DYDC2: variants seen among roughly 807,000 people sequenced by gnomAD.
DYDC2 encodes DPY30 domain-containing protein 2.
Under a neutral mutation model 18.7 loss-of-function variants are expected in DYDC2, and 19 were observed. That is an observed-to-expected ratio of 1.02 (90% confidence interval 0.71 to 1.49). The LOEUF is 1.49. DYDC2 is among the 40% of genes most tolerant of loss of function. DYDC2 has a pLI of 0.00. For missense variants in DYDC2, 179 were observed against 205.1 expected (o/e 0.87, Z 0.78); for synonymous variants, 63 against 67.6 (o/e 0.93, Z 0.34).
intron 4 of DYDC2, among the ~76,000 whole-genome samples, chr10:80,363,839 C>T (rs1382537487): frequency 6.6e-6 from 1 of 152,178 alleles, no homozygotes; most frequent in Non-Finnish European, 1.5e-5. Context: ...TTCTGTGAAA[C>T]TTCAGATGCC....
intron 2 of DYDC2, among the ~76,000 whole-genome samples, chr10:80,358,753 T>A (rs1353519616): frequency 2.0e-5 from 3 of 152,214 alleles, no homozygotes; most frequent in African/African-American, 7.2e-5. Context: ...CAAGTCCCAA[T>A]GTGTCCAGAA....
In DYDC2 at chr10:80,347,718, C is replaced by T. The variant is rs186402102; in HGVS notation, c.-310+2903C>T. ...CGTTCATTGAAGAGACTATCCTTTT[C>T]CCTTTGTGTTTTCTTGCAGGGCTTG... On this transcript the variant is annotated intron_variant, in intron 1 of 4. Coordinates refer to the DYDC2 transcript ENST00000372197. Among the ~76,000 whole-genome samples the T allele has an allele frequency of 3.2e-3, 492 of 152,234 alleles. 18 individuals are homozygous for T. Among genetic ancestry groups the T allele is most frequent in the Middle Eastern group, 3.4e-3 (1 of 294 alleles).
At chr10:80,345,925 T>C (rs1842593626) in intron 1 of DYDC2, among the ~76,000 whole-genome samples, 1 of 152,222 alleles carries the variant, frequency 6.6e-6, no homozygotes, top group Admixed American at 6.5e-5. Context: ...TGGCACTGCC[T>C]CAACCTCCAG....
chr10:80,363,982 T>C (rs1843748013), intron 4 of DYDC2, among the ~76,000 whole-genome samples: 1 of 152,196 alleles, frequency 6.6e-6, no homozygotes, highest in Non-Finnish European at 1.5e-5. Context: ...AAAAACGCCT[T>C]ATGCTATTCT....
intron 4 of DYDC2, among the ~76,000 whole-genome samples, chr10:80,363,723 A>G (rs1843739197): frequency 6.6e-6 from 1 of 152,110 alleles, no homozygotes; most frequent in African/African-American, 2.4e-5. Flanking sequence ...AGCCCTTTTC[A>G]AGTAGTATTC....
At chr10:80,351,945 C>T, upstream of DYDC2, 1 of 1,614,204 alleles carries the variant, frequency 6.2e-7, no homozygotes. Flanking sequence ...TCCATCATTT[C>T]CTGCTCCATC....
intron 1 of DYDC2, among the ~76,000 whole-genome samples, chr10:80,346,910 A>G (rs1484885282): frequency 1.3e-5 from 2 of 151,746 alleles, no homozygotes; most frequent in African/African-American, 2.4e-5. Flanking sequence ...CCCCGTCTCT[A>G]CTAAAAATAC....
chr10:80,360,105 G>A (rs141500297), intron 2 of DYDC2, among the ~76,000 whole-genome samples: 1 of 152,326 alleles, frequency 6.6e-6, no homozygotes, highest in Non-Finnish European at 1.5e-5. Flanking sequence ...GGGTGTAGAA[G>A]TTTGTTTATC....
At chr10:80,360,486 C>T (rs993492874) in intron 2 of DYDC2, among the ~76,000 whole-genome samples, 11 of 152,148 alleles carry the variant, frequency 7.2e-5, no homozygotes, top group Non-Finnish European at 1.0e-4. Context: ...AGGATAATCC[C>T]CCTATCTCAA....
upstream of DYDC2, among the ~76,000 whole-genome samples, chr10:80,355,973 T>C (rs1018611669): frequency 6.8e-6 from 1 of 147,940 alleles, no homozygotes; most frequent in Non-Finnish European, 1.5e-5. Flanking sequence ...CTCAAAGTCA[T>C]TTGAAGTGAA....
At chr10:80,362,859 G>A in intron 3 of DYDC2, 92 bp from the exon 4 acceptor site, 1 of 1,494,220 alleles carries the variant, frequency 6.7e-7, no homozygotes, top group Non-Finnish European at 9.0e-7. Context: ...GGCCCAAAGA[G>A]CCCACAGCCC....
At chr10:80,359,101 C>A (rs553619944) in intron 2 of DYDC2, among the ~76,000 whole-genome samples, 1 of 152,192 alleles carries the variant, frequency 6.6e-6, no homozygotes, top group Non-Finnish European at 1.5e-5. Context: ...TTCCCTTATC[C>A]GGCCCTACCC....
Position 80,366,968 on chromosome 10 carries a change from G to C in DYDC2, c.*17G>C, listed in dbSNP as rs771848918. 2 of 1,592,930 alleles carry C rather than the reference G, an allele frequency of 1.3e-6. No homozygotes were observed. The highest frequency in any genetic ancestry group is 4.5e-5 in the East Asian group (2 of 44,726). The stretch of plus-strand genomic sequence containing the variant: ...CCTTTTTAGGTTACAGAAGGTAGAT[G>C]CTTCTGATTTACTTCTCTCAAAGCT... On this transcript the variant is annotated 3_prime_UTR_variant, in exon 5 of 5. Coordinates refer to ENST00000256039, the MANE Select transcript of DYDC2 (RefSeq NM_032372.6).
chr10:80,347,276 CTTTTTTT>C (rs556362145), intron 1 of DYDC2, among the ~76,000 whole-genome samples: 43,406 of 89,888 alleles, frequency 0.48, 11,657 homozygotes, highest in East Asian at 0.76. Context: ...AATTGGGATC[CTTTTTTT>C]TTTTTTTTTT....
At chr10:80,348,678 A>G (rs1179468954) in intron 1 of DYDC2, among the ~76,000 whole-genome samples, 1 of 152,226 alleles carries the variant, frequency 6.6e-6, no homozygotes, top group Non-Finnish European at 1.5e-5. Context: ...GCTTCCATCA[A>G]CCTTCAGTTG....
chr10:80,350,946 T>C (rs1243155195), intron 1 of DYDC2, among the ~76,000 whole-genome samples: 1 of 152,232 alleles, frequency 6.6e-6, no homozygotes, highest in Admixed American at 6.5e-5. Context: ...AAGGTCTGCC[T>C]GCTCCACTTC....
rs923985484 is a variant in DYDC2 at position 80,367,184 on chromosome 10, G to C, written c.*233G>C. 2.5e-5 allele frequency: 12 copies of C among 470,684 alleles called. No individual in the cohort carries two copies. The highest frequency in any genetic ancestry group is 2.2e-4 in the South Asian group (6 of 27,768). The allele number at this position is 470,684 out of a possible 1,614,324, so 29.2% of individuals were successfully genotyped here. A position where few individuals can be genotyped will look rare whatever the true frequency, so the allele number is the denominator to read the frequency against. On this transcript the variant is annotated 3_prime_UTR_variant, in exon 5 of 5. Transcript: ENST00000256039. The stretch of plus-strand genomic sequence containing the variant: ...CAAGTGGCTGTGACTTTTTCCTCTT[G>C]TTTTATCAACGTTTTGGAGACTACA...
Position 80,357,898 on chromosome 10 carries a change from C to G in DYDC2, c.-157C>G, listed in dbSNP as rs1360963158. On this transcript the variant is annotated 5_prime_UTR_variant, in exon 2 of 5. Coordinates refer to ENST00000256039, the MANE Select transcript of DYDC2 (RefSeq NM_032372.6). ...AAGTCAAGAAATATTTACAGAGCTC[C>G]CAGTGTGCCAAGCGTGGGCGGTATA... 3.0e-6 allele frequency: 3 copies of G among 985,188 alleles called. No individual in the cohort carries two copies. The highest frequency in any genetic ancestry group is 3.6e-6 in the Non-Finnish European group (3 of 829,898). 61.0% of individuals were successfully genotyped at this position (985,188 alleles called of 1,614,324 possible). A position where few individuals can be genotyped will look rare whatever the true frequency, so the allele number is the denominator to read the frequency against.
chr10:80,366,134 G>C (rs1390687753), intron 4 of DYDC2, among the ~76,000 whole-genome samples: 1 of 76,154 alleles, frequency 1.3e-5, no homozygotes, highest in Non-Finnish European at 2.3e-5. Flanking sequence ...CCCGGTTCAA[G>C]TGATTCTCCT....
Sources: allele counts gnomAD v4.1 joint callset (sites outside exome capture counted in the v4.1 genomes callset), GRCh38; gene constraint gnomAD v4.1.1; transcripts MANE v1.5; gene names NCBI Gene and HGNC (gene_info 2026-07-23, HGNC 2026-07-21).